SKOR2: variants seen among roughly 807,000 people sequenced by gnomAD.
SKOR2 encodes the protein LBX1 corepressor 1-like protein.
Under a neutral mutation model 69.1 loss-of-function variants are expected in SKOR2, and 47 were observed. The ratio of observed to expected loss-of-function variants is 0.68; its 90% CI spans 0.54 to 0.87. SKOR2 has a LOEUF of 0.87. Among genes scored for constraint, SKOR2 ranks in the 40% least tolerant of loss-of-function variants. The pLI is 0.00. For synonymous variants in SKOR2, 717 were observed against 672.6 expected (o/e 1.07, Z -1.02); for missense variants, 1,404 against 1,472.2 (o/e 0.95, Z 0.76).
Position 47,247,721 on chromosome 18 carries a change from G to T in SKOR2, c.1463C>A (p.Pro488Gln). ...GCCTAGCGCCGAGGGCGGCTGAGGC[G>T]GGGGCTGCAGGTAGGTGGGCACCGG... ...GLPVPTYLQP[P>Q]PQPPSALGCA... The change falls in exon 2 of 9, where the codon CCG becomes CAG. Residue 488 changes from proline to glutamine, a missense_variant. Physicochemically the swap from Pro to Gln is moderately conservative, Grantham distance 76. Coordinates refer to ENST00000425639, the MANE Select transcript of SKOR2 (RefSeq NM_001278063.4). This position sits in a 1 kb window ranked among gnomAD's most constrained non-coding sequence, Gnocchi z 6.6. 1 of 1,360,432 alleles carries T rather than the reference G, an allele frequency of 7.4e-7. No individual in the cohort carries two copies. Among genetic ancestry groups the T allele is most frequent in the Non-Finnish European group, 9.4e-7 (1 of 1,066,388 alleles). The allele number at this position is 1,360,432 out of a possible 1,614,324, so 84.3% of individuals were successfully genotyped here.
At chr18:47,223,625 C>T (rs927953939) in intron 6 of SKOR2, among the ~76,000 whole-genome samples, 5 of 152,088 alleles carry the variant, frequency 3.3e-5, no homozygotes, top group Admixed American at 1.3e-4. Context: ...AGTAACAGAA[C>T]GAGGCACATT....
chr18:47,247,025 C>T lies in SKOR2; in HGVS notation c.2159G>A (p.Gly720Glu). 2.0e-6 allele frequency: 3 copies of T among 1,490,408 alleles called. No individual in the cohort carries two copies. Among genetic ancestry groups the T allele is most frequent in the Non-Finnish European group, 1.8e-6 (2 of 1,126,052 alleles). The allele number at this position is 1,490,408 out of a possible 1,614,324, so 92.3% of individuals were successfully genotyped here. The change falls in exon 2 of 9, where the codon GGG becomes GAG. Residue 720 changes from glycine (G) to glutamate (E), a missense_variant. Coordinates refer to ENST00000425639, the MANE Select transcript of SKOR2 (RefSeq NM_001278063.4). This position sits in a 1 kb window ranked among gnomAD's most constrained non-coding sequence, Gnocchi z 6.6. ...HPHHRGLLSP[G>E]GTSCCYPSED... ...GCTGGGGTAGCAGCAGCTGGTTCCC[C>T]CGGGAGACAGAAGGCCTCGGTGGTG...
At chr18:47,223,949 A>C (rs1270950824) in intron 6 of SKOR2, among the ~76,000 whole-genome samples, 1 of 151,220 alleles carries the variant, frequency 6.6e-6, no homozygotes, top group Admixed American at 6.6e-5. Flanking sequence ...TCTGTCGCCC[A>C]GGCTGGAGTG....
At chr18:47,221,138 G>C (rs1191303518) in intron 6 of SKOR2, among the ~76,000 whole-genome samples, 1 of 152,184 alleles carries the variant, frequency 6.6e-6, no homozygotes, top group East Asian at 1.9e-4. Context: ...GGTACTTAGA[G>C]ATGAAAAGGC....
intron 8 of SKOR2, among the ~76,000 whole-genome samples, chr18:47,211,036 A>T (rs2064126323): frequency 6.6e-6 from 1 of 152,222 alleles, no homozygotes; most frequent in Non-Finnish European, 1.5e-5. Context: ...ATTATTTAAG[A>T]CAAATACTGA....
chr18:47,241,604 G>A (rs577020044), intron 4 of SKOR2, among the ~76,000 whole-genome samples: 3 of 150,476 alleles, frequency 2.0e-5, no homozygotes, highest in Non-Finnish European at 3.0e-5. Flanking sequence ...ACATTTCCAC[G>A]TGCTAAGCAA....
Position 47,206,690 on chromosome 18 carries a change from TC to T in SKOR2, c.*205del. 1 of 152,194 alleles carries T rather than the reference TC, an allele frequency of 6.6e-6. No individual in the cohort carries two copies. The highest frequency in any genetic ancestry group is 1.5e-5 in the Non-Finnish European group (1 of 68,196). The allele number at this position is 152,194 out of a possible 1,614,324, so 9.4% of individuals were successfully genotyped here. A position where few individuals can be genotyped will look rare whatever the true frequency, so the allele number is the denominator to read the frequency against. On this transcript the variant is annotated 3_prime_UTR_variant, in exon 9 of 9. Coordinates refer to ENST00000425639, the MANE Select transcript of SKOR2 (RefSeq NM_001278063.4). ...TTGACTGCTCTGGTTGGCTCCCCCC[TC>T]CCCCCACTAATGAATGGCTGCTACA...
chr18:47,222,406 G>C (rs148566547), intron 6 of SKOR2, among the ~76,000 whole-genome samples: 15 of 152,292 alleles, frequency 9.8e-5, no homozygotes, highest in African/African-American at 3.4e-4. Context: ...TGCAGGGGAA[G>C]TGAGGGAAAG....
At chr18:47,215,118 T>A (rs1196212590) in intron 7 of SKOR2, among the ~76,000 whole-genome samples, 1 of 152,148 alleles carries the variant, frequency 6.6e-6, no homozygotes, top group Non-Finnish European at 1.5e-5. Flanking sequence ...AAGGAACAAC[T>A]GATTGCACTG....
chr18:47,248,211 CCACTA>C lies in SKOR2; in HGVS notation c.968_972del (p.Val323GlyfsTer99). ...GCTGCGGCCGAGAGGCTGGCGGCGG[CCACTA>C]CGGCGGCCTCCTGCAAGGAGTCGTC... On this transcript the variant is annotated frameshift_variant, in exon 2 of 9. Transcript: ENST00000425639. LOFTEE classifies it high-confidence loss of function. The surrounding 1 kb of genome is among the most constrained non-coding windows in gnomAD (Gnocchi z 6.4). 1 of 1,231,352 alleles carries C rather than the reference CCACTA, an allele frequency of 8.1e-7. No homozygotes were observed. The highest frequency in any genetic ancestry group is 1.0e-6 in the Non-Finnish European group (1 of 989,700). 76.3% of individuals were successfully genotyped at this position (1,231,352 alleles called of 1,614,324 possible).
At chr18:47,241,004 G>A (rs1267522443) in intron 4 of SKOR2, among the ~76,000 whole-genome samples, 1 of 152,132 alleles carries the variant, frequency 6.6e-6, no homozygotes, top group Non-Finnish European at 1.5e-5. Context: ...TGGCTAAAGG[G>A]ACACAGGGTT....
chr18:47,240,981 T>G (rs2144507949), intron 4 of SKOR2, among the ~76,000 whole-genome samples: 1 of 152,318 alleles, frequency 6.6e-6, no homozygotes, highest in African/African-American at 2.4e-5. Flanking sequence ...AATGGTTGAA[T>G]TAAACATTGG....
chr18:47,239,577 G>C (rs562464620), intron 4 of SKOR2, among the ~76,000 whole-genome samples: 3 of 152,150 alleles, frequency 2.0e-5, no homozygotes, highest in African/African-American at 7.2e-5. Context: ...AGTGCGTCTC[G>C]AGTTCATTTA....
rs2064274589 is a variant in SKOR2, at chr18:47,246,615, G to A, written c.2569C>T (p.Pro857Ser). 6.6e-7 allele frequency: 1 copy of A among 1,523,500 alleles called. No homozygotes were observed. Among genetic ancestry groups the A allele is most frequent in the Non-Finnish European group, 8.8e-7 (1 of 1,141,856 alleles). 94.4% of individuals were successfully genotyped at this position (1,523,500 alleles called of 1,614,324 possible). Residue 857 changes from proline to serine, a missense_variant, in exon 2 of 9, where the codon CCA becomes TCA. Physicochemically the swap from Pro to Ser is moderately conservative, Grantham distance 74. Coordinates refer to ENST00000425639, the MANE Select transcript of SKOR2 (RefSeq NM_001278063.4). Reference sequence around the variant, plus strand: ...TCCTCCAGTGATGGATGGTGAACTGGGCTGCCCGGGCTGCTGCTGCCGCCG... The same window carrying A: ...TCCTCCAGTGATGGATGGTGAACTGAGCTGCCCGGGCTGCTGCTGCCGCCG... ...SGGGSSSPGS[P>S]VHHPSLEEQP...
At position 47,220,018 on chromosome 18, in the gene SKOR2, G is replaced by A. The variant is rs1395409133; in HGVS notation, c.2918-8C>T. Reference sequence around the variant, plus strand: ...TCTGATCCTGAAAATTATCTGGTAGGAGAGAGAGATAGAGAAAGATTAACT... The same window carrying A: ...TCTGATCCTGAAAATTATCTGGTAGAAGAGAGAGATAGAGAAAGATTAACT... On this transcript the variant is annotated splice_region_variant and splice_polypyrimidine_tract_variant and intron_variant, in intron 6 of 8. Coordinates refer to ENST00000425639, the MANE Select transcript of SKOR2 (RefSeq NM_001278063.4). 1 of 1,531,600 alleles carries A rather than the reference G, an allele frequency of 6.5e-7. No homozygotes were observed. The highest frequency in any genetic ancestry group is 8.7e-7 in the Non-Finnish European group (1 of 1,143,798). 94.9% of individuals were successfully genotyped at this position (1,531,600 alleles called of 1,614,324 possible).
intron 7 of SKOR2, among the ~76,000 whole-genome samples, chr18:47,219,372 T>C (rs114001976): frequency 1.1e-3 from 161 of 148,402 alleles, no homozygotes; most frequent in Middle Eastern, 6.8e-3. Context: ...ACAAAACCAC[T>C]ACATTTACTT....
intron 7 of SKOR2, among the ~76,000 whole-genome samples, chr18:47,214,056 C>A (rs1268717536): frequency 6.6e-6 from 1 of 152,208 alleles, no homozygotes; most frequent in Non-Finnish European, 1.5e-5. Context: ...GCCACTCTCA[C>A]ATTTAAGAAG....
At chr18:47,238,091 G>A (rs2064232421) in intron 4 of SKOR2, among the ~76,000 whole-genome samples, 1 of 152,124 alleles carries the variant, frequency 6.6e-6, no homozygotes, top group Admixed American at 6.5e-5. Flanking sequence ...CCAGCCAGCA[G>A]CCCCAGGGAC....
At chr18:47,236,515 G>A (rs1308633200) in intron 4 of SKOR2, among the ~76,000 whole-genome samples, 3 of 152,208 alleles carry the variant, frequency 2.0e-5, no homozygotes, top group Admixed American at 1.3e-4. Flanking sequence ...TATTAGAGAA[G>A]GGGGTGGGGG....
Sources: gnomAD v4.1 joint callset for allele counts (sites outside exome capture counted in the v4.1 genomes callset) on GRCh38, gnomAD v4.1.1 for gene constraint, Gnocchi (gnomAD v3.1) non-coding constraint, MANE v1.5 for transcripts, NCBI Gene and HGNC (gene_info 2026-07-23, HGNC 2026-07-21) for gene names.